Variants in FBXW7 observed in about 807,000 individuals in gnomAD.
FBXW7 encodes the protein F-box/WD repeat-containing protein 7.
In FBXW7, 11 loss-of-function variants were observed where a neutral mutation model predicts 86.3. The observed-to-expected ratio is 0.13, with a 90% CI of 0.08 to 0.21. The LOEUF is 0.21. Among genes scored for constraint, FBXW7 ranks in the 10% least tolerant of loss-of-function variants. The pLI, the probability that FBXW7 is intolerant of heterozygous loss-of-function variation, is 1.00. For synonymous variants in FBXW7, 313 were observed against 297.9 expected (o/e 1.05, Z -0.52); for missense variants, 488 against 847.4 (o/e 0.58, Z 5.27).
At position 152,535,945 on chromosome 4, in the gene FBXW7, G is replaced by A; in HGVS notation, c.-1031C>T. ...CCAGGTGAGAGCGAAGGTCTCGGCG[G>A]CGGCCAGTGCAGGGGGACTGGATCT... On this transcript the variant is annotated 5_prime_UTR_variant, in exon 1 of 14. Transcript: ENST00000281708. The A allele has an allele frequency of 6.6e-6, 2 of 301,988 alleles. No individual in the cohort carries two copies. Among genetic ancestry groups the A allele is most frequent in the East Asian group, 5.3e-5 (1 of 18,842 alleles). The allele number at this position is 301,988 out of a possible 1,614,324, so 18.7% of individuals were successfully genotyped here.
At chr4:152,364,159 T>G (rs954479282) in intron 4 of FBXW7, among the ~76,000 whole-genome samples, 5 of 152,124 alleles carry the variant, frequency 3.3e-5, no homozygotes, top group African/African-American at 1.2e-4. Flanking sequence ...TCCGCTTGGT[T>G]AAGAACTGCT....
At chr4:152,340,466 C>T (rs912380263) in intron 6 of FBXW7, among the ~76,000 whole-genome samples, 4 of 149,912 alleles carry the variant, frequency 2.7e-5, no homozygotes, top group Non-Finnish European at 5.9e-5. Flanking sequence ...GTAGTCCCGG[C>T]GACTTGGGAG....
chr4:152,519,171 G>A (rs773578703), intron 2 of FBXW7, among the ~76,000 whole-genome samples: 8 of 152,238 alleles, frequency 5.3e-5, no homozygotes, highest in East Asian at 1.9e-4. Context: ...AGCGGTGGGC[G>A]CCTGTAGTCC....
chr4:152,352,737 A>G (rs747802932), intron 4 of FBXW7: 2 of 1,612,896 alleles, frequency 1.2e-6, no homozygotes, highest in Non-Finnish European at 1.7e-6. Flanking sequence ...ACATACATAC[A>G]TGCAGCTTGA....
intron 2 of FBXW7, among the ~76,000 whole-genome samples, chr4:152,446,926 A>G (rs898006442): frequency 6.6e-5 from 10 of 152,320 alleles, no homozygotes; most frequent in African/African-American, 2.4e-4. Context: ...GTGTTCACAG[A>G]AGGGTTTTTT....
intron 2 of FBXW7, among the ~76,000 whole-genome samples, chr4:152,473,157 T>TC (rs1204510872): frequency 6.6e-6 from 1 of 152,136 alleles, no homozygotes; most frequent in Non-Finnish European, 1.5e-5. Flanking sequence ...GGTGGGAAGA[T>TC]AGCATGAGCC....
At chr4:152,352,652 T>C (rs929223130) in intron 4 of FBXW7, 5 of 1,613,562 alleles carry the variant, frequency 3.1e-6, no homozygotes, top group Admixed American at 1.7e-5. Context: ...AAAGGAAGAT[T>C]AGGGAGCAGA....
intron 4 of FBXW7, among the ~76,000 whole-genome samples, chr4:152,368,460 C>A (rs1733700168): frequency 6.6e-6 from 1 of 151,910 alleles, no homozygotes; most frequent in Non-Finnish European, 1.5e-5. Flanking sequence ...ACAGAAATAA[C>A]AAGAACCAAG....
chr4:152,438,093 G>A (rs765222899), intron 2 of FBXW7, among the ~76,000 whole-genome samples: 2 of 152,078 alleles, frequency 1.3e-5, no homozygotes, highest in African/African-American at 2.4e-5. Context: ...AGAATCGCTT[G>A]AACCTGAGAG....
At chr4:152,526,022 T>C (rs575004368) in intron 2 of FBXW7, among the ~76,000 whole-genome samples, 3 of 152,226 alleles carry the variant, frequency 2.0e-5, no homozygotes, top group Admixed American at 6.5e-5. Context: ...TGGTATCTCA[T>C]TGTGGTTTTG....
chr4:152,532,735 C>A (rs1270143486), intron 2 of FBXW7, among the ~76,000 whole-genome samples: 1 of 152,132 alleles, frequency 6.6e-6, no homozygotes. Context: ...TATCTAACAT[C>A]CAGTGCGGTC....
At chr4:152,525,258 T>C (rs1210011994) in intron 2 of FBXW7, among the ~76,000 whole-genome samples, 2 of 152,148 alleles carry the variant, frequency 1.3e-5, no homozygotes, top group Non-Finnish European at 2.9e-5. Flanking sequence ...AAAGCAAACT[T>C]TCCTTAAAAG....
chr4:152,385,454 G>A (rs546597495), intron 4 of FBXW7, among the ~76,000 whole-genome samples: 11 of 151,816 alleles, frequency 7.2e-5, no homozygotes, highest in Non-Finnish European at 1.6e-4. Flanking sequence ...TTAAAGATAA[G>A]AAAATCCCTG....
At chr4:152,483,995 A>C (rs919174409) in intron 2 of FBXW7, among the ~76,000 whole-genome samples, 3 of 152,134 alleles carry the variant, frequency 2.0e-5, no homozygotes, top group Non-Finnish European at 4.4e-5. Flanking sequence ...TCAAAAGATA[A>C]AACAGCTATT....
intron 2 of FBXW7, among the ~76,000 whole-genome samples, chr4:152,438,159 G>A (rs1186352565): frequency 6.6e-6 from 1 of 152,094 alleles, no homozygotes; most frequent in Non-Finnish European, 1.5e-5. Context: ...GGGCAACAGA[G>A]CAAGACTGTC....
At chr4:152,466,307 G>A (rs1426760526) in intron 2 of FBXW7, among the ~76,000 whole-genome samples, 1 of 152,184 alleles carries the variant, frequency 6.6e-6, no homozygotes, top group African/African-American at 2.4e-5. Flanking sequence ...TGTAATCCCA[G>A]CACTTTGGGA....
At chr4:152,384,403 A>G (rs1735353594) in intron 4 of FBXW7, among the ~76,000 whole-genome samples, 1 of 152,130 alleles carries the variant, frequency 6.6e-6, no homozygotes, top group African/African-American at 2.4e-5. Flanking sequence ...TGAAGATACT[A>G]TACTAAGTAA....
chr4:152,324,944 A>G (rs1418624176), intron 12 of FBXW7: 2 of 152,808 alleles, frequency 1.3e-5, no homozygotes, highest in African/African-American at 2.4e-5. Flanking sequence ...GCCAAAAGAT[A>G]ATTGTATCTG....
Position 152,330,767 on chromosome 4 carries a change from T to C in FBXW7, c.1087A>G (p.Thr363Ala). ...SAYIRQHRIDTNWRRGELKSP... is the reference protein window; with the variant it reads ...SAYIRQHRIDANWRRGELKSP... ...TTGAGTTCTCCTCGCCTCCAGTTAG[T>C]ATCAATTCTGTGCTGTCTGATGTAT... Residue 363 changes from threonine (T) to alanine (A), a missense_variant, in exon 9 of 14, where the codon ACT (threonine) becomes GCT (alanine). Thr to Ala is a moderately conservative substitution (Grantham distance 58). Coordinates refer to ENST00000281708, the MANE Select transcript of FBXW7 (RefSeq NM_001349798.2). 6.2e-7 allele frequency: 1 copy of C among 1,612,552 alleles called. No homozygotes were observed. Among genetic ancestry groups the C allele is most frequent in the South Asian group, 1.1e-5 (1 of 91,000 alleles).
Sources: gnomAD v4.1 joint callset for allele counts (sites outside exome capture counted in the v4.1 genomes callset) on GRCh38, gnomAD v4.1.1 for gene constraint, MANE v1.5 for transcripts, NCBI Gene and HGNC (gene_info 2026-07-23, HGNC 2026-07-21) for gene names.